COL18A1: variants seen among roughly 807,000 people sequenced by gnomAD.
The protein encoded by COL18A1 is collagen alpha-1(XVIII) chain.
A neutral mutation model predicts 168.0 loss-of-function variants in COL18A1; 133 were observed. The observed-to-expected ratio is 0.79, with a 90% CI of 0.69 to 0.91. COL18A1 has a LOEUF of 0.91. COL18A1 is among the 40% of genes least tolerant of loss of function. The pLI, the probability that COL18A1 is intolerant of heterozygous loss-of-function variation, is 0.00. For missense variants in COL18A1, 2,126 were observed against 1,925.4 expected (o/e 1.10, Z -1.95); for synonymous variants, 949 against 809.0 (o/e 1.17, Z -2.94).
intron 6 of COL18A1, 68 bp from the exon 7 acceptor site, chr21:45,477,343 G>C: frequency 1.5e-6 from 2 of 1,328,272 alleles, no homozygotes; most frequent in South Asian, 2.5e-5. Context: ...GGGCCGTCTG[G>C]GGTGCCGAGA....
At chr21:45,482,669 T>C in intron 14 of COL18A1, 126 bp from the exon 15 acceptor site, 1 of 1,422,516 alleles carries the variant, frequency 7.0e-7, no homozygotes, top group Non-Finnish European at 9.8e-7. Flanking sequence ...CAGAAACTAT[T>C]AAACCGGCAC....
rs898484201 is a variant in COL18A1, at chr21:45,498,070, C to T, written c.2683+409C>T. 43 of 607,294 alleles carry T rather than the reference C, an allele frequency of 7.1e-5. No homozygotes were observed. The African/African-American group carries it at 7.6e-4, about 11-fold the overall frequency. The allele number at this position is 607,294 out of a possible 1,614,324, so 37.6% of individuals were successfully genotyped here. A position where few individuals can be genotyped will look rare whatever the true frequency, so the allele number is the denominator to read the frequency against. On this transcript the variant is annotated intron_variant, in intron 32 of 41. Coordinates refer to ENST00000651438, the MANE Select transcript of COL18A1 (RefSeq NM_001379500.1). This position sits in a 1 kb window ranked among gnomAD's most constrained non-coding sequence, Gnocchi z 4.5. Reference sequence around the variant, plus strand: ...CATGTGGGAAGGAGGCGTTGCCCGACAGGCCGTCTGGAGGGTGAGCCCAGC... The same window carrying T: ...CATGTGGGAAGGAGGCGTTGCCCGATAGGCCGTCTGGAGGGTGAGCCCAGC...
intron 3 of COL18A1, among the ~76,000 whole-genome samples, chr21:45,470,676 G>A (rs993378993): frequency 2.0e-5 from 3 of 151,676 alleles, no homozygotes; most frequent in East Asian, 1.9e-4. Flanking sequence ...TAGTAGAGAC[G>A]GGGTTTCACC....
intron 2 of COL18A1, among the ~76,000 whole-genome samples, chr21:45,442,775 C>CGGT (rs1354618885): frequency 1.6e-5 from 1 of 62,830 alleles, no homozygotes; most frequent in Non-Finnish European, 2.9e-5. Flanking sequence ...CTGGTGTGGG[C>CGGT]GGCGGTCCTG....
rs547356385 is a variant in COL18A1, at chr21:45,479,779, C to T, written c.1249-123C>T. The T allele has an allele frequency of 7.3e-5, 104 of 1,415,406 alleles. No homozygotes were observed. The African/African-American group carries it at 1.2e-3, about 16-fold the overall frequency. The allele number at this position is 1,415,406 out of a possible 1,614,324, so 87.7% of individuals were successfully genotyped here. ...TGGCGCCCTCGTACTTTCCGGGCCC[C>T]AGAGACTCCCCTGAAGGGCTCAGCT... On this transcript the variant is annotated intron_variant, in intron 9 of 41. Coordinates refer to ENST00000651438, the MANE Select transcript of COL18A1 (RefSeq NM_001379500.1).
intron 22 of COL18A1, 65 bp from the exon 23 acceptor site, chr21:45,492,470 C>T: frequency 1.3e-6 from 2 of 1,588,286 alleles, no homozygotes; most frequent in Non-Finnish European, 1.7e-6. Flanking sequence ...CTGTAAGTCG[C>T]TCGAGTCCAG....
rs1381051960 is a variant in COL18A1, at chr21:45,443,362, C to T, written c.107-24880C>T. Among the ~76,000 whole-genome samples the T allele has an allele frequency of 6.6e-6, 1 of 152,188 alleles. No individual in the cohort carries two copies. The highest frequency in any genetic ancestry group is 1.9e-4 in the East Asian group (1 of 5,190). On this transcript the variant is annotated intron_variant, in intron 2 of 41. Transcript: ENST00000651438. The surrounding 1 kb of genome is among the most constrained non-coding windows in gnomAD (Gnocchi z 5.2). ...TCCATGAGAAAACCCAGTTAAGGAG[C>T]AACCTGGTAAACCCTTGAAAACCAA...
intron 29 of COL18A1, 42 bp from the exon 30 acceptor site, chr21:45,496,458 C>T: frequency 2.3e-6 from 2 of 873,478 alleles, no homozygotes; most frequent in East Asian, 2.4e-5. Context: ...TGCTGCCTGA[C>T]AGGCAGGCCA....
rs148582297 is a variant in COL18A1 at position 45,429,115 on chromosome 21, A to C, written c.106+23642A>C. Among the ~76,000 whole-genome samples the C allele has an allele frequency of 1.0e-3, 159 of 151,784 alleles. No homozygotes were observed. In the East Asian group the frequency reaches 0.02, roughly 19 times the overall value. ...ATGGGGTTTCATCATGTTGGCCAGGATGGTCTCGATCTTCCGACCTTGTGA... is the reference window on the plus strand; with the variant it reads ...ATGGGGTTTCATCATGTTGGCCAGGCTGGTCTCGATCTTCCGACCTTGTGA... On this transcript the variant is annotated intron_variant, in intron 2 of 41. Transcript: ENST00000651438.
Position 45,448,605 on chromosome 21 carries a change from C to T in COL18A1, c.107-19637C>T, listed in dbSNP as rs148288105. On this transcript the variant is annotated intron_variant, in intron 2 of 41. Transcript: ENST00000651438. ...TGAGCCGCAGCATCTCCACACATTGCCCTGTAGATGCACTTCTGTGTGCGT... is the reference window on the plus strand; with the variant it reads ...TGAGCCGCAGCATCTCCACACATTGTCCTGTAGATGCACTTCTGTGTGCGT... 8.5e-5 allele frequency among the ~76,000 whole-genome samples: 13 copies of T among 152,392 alleles called. No homozygotes were observed. The East Asian group carries it at 2.5e-3, about 29-fold the overall frequency.
intron 2 of COL18A1, among the ~76,000 whole-genome samples, chr21:45,438,304 TCAGACACACAGGCACTCTCCTGCACACA>T (rs2034266713): frequency 1.2e-4 from 8 of 68,752 alleles, no homozygotes; most frequent in African/African-American, 1.5e-4. Flanking sequence ...ACACACACAC[TCAGACACACAGGCACTCTCCTGCACACA>T]CACACACTCA....
At position 45,484,366 on chromosome 21, in the gene COL18A1, A is replaced by T. The variant is rs1017406085; in HGVS notation, c.1701+1545A>T. Among the ~76,000 whole-genome samples the T allele has an allele frequency of 3.0e-5, 4 of 133,938 alleles. 1 individual carries two copies. The highest frequency in any genetic ancestry group is 8.5e-5 in the African/African-American group (3 of 35,388). 87.9% of individuals were successfully genotyped at this position (133,938 alleles called of 152,430 possible). A position where few individuals can be genotyped will look rare whatever the true frequency, so the allele number is the denominator to read the frequency against. ...ATCTCCAGCATATGTGCGCACACAC[A>T]TACACGCACACACACATCTCCAGCA... On this transcript the variant is annotated intron_variant, in intron 15 of 41. Transcript: ENST00000651438.
At chr21:45,439,618 C>A (rs2034312606) in intron 2 of COL18A1, among the ~76,000 whole-genome samples, 1 of 152,238 alleles carries the variant, frequency 6.6e-6, no homozygotes, top group African/African-American at 2.4e-5. Flanking sequence ...GGGCTCCAGA[C>A]GTCCTGGGCC....
At chr21:45,474,033 G>A (rs779248412) in intron 4 of COL18A1, 52 bp downstream of exon 4, 17 of 1,416,614 alleles carry the variant, frequency 1.2e-5, no homozygotes, top group Middle Eastern at 1.7e-4. Context: ...CCTGGCACGC[G>A]GAGTTCAGGG....
At position 45,447,271 on chromosome 21, in the gene COL18A1, A is replaced by G. The variant is rs528472165; in HGVS notation, c.107-20971A>G. On this transcript the variant is annotated intron_variant, in intron 2 of 41. Coordinates refer to ENST00000651438, the MANE Select transcript of COL18A1 (RefSeq NM_001379500.1). ...TAAAAGTAAAAGTTCTAACCTCTAA[A>G]AAGTTTTTTATTGTTCCTCTAAAAT... Among the ~76,000 whole-genome samples, 9 of 151,942 alleles carry G rather than the reference A, an allele frequency of 5.9e-5. No homozygotes were observed. The East Asian group carries it at 1.7e-3, about 29-fold the overall frequency.
chr21:45,483,243 C>G (rs57262111), intron 15 of COL18A1, among the ~76,000 whole-genome samples: 3 of 152,070 alleles, frequency 2.0e-5, no homozygotes, highest in Admixed American at 6.5e-5. Flanking sequence ...AACATCCCCC[C>G]ATAGGGGAGC....
chr21:45,503,655 A>AG (rs2036992346), intron 32 of COL18A1, among the ~76,000 whole-genome samples: 1 of 81,630 alleles, frequency 1.2e-5, no homozygotes, highest in African/African-American at 4.9e-5. Flanking sequence ...GGGAGGGGGG[A>AG]GGGATAGCAT....
At position 45,504,497 on chromosome 21, in the gene COL18A1, C is replaced by CT; in HGVS notation, c.2810dup (p.Pro938AlafsTer149). 1 of 1,516,400 alleles carries CT rather than the reference C, an allele frequency of 6.6e-7. No individual in the cohort carries two copies. Among genetic ancestry groups the CT allele is most frequent in the Non-Finnish European group, 8.8e-7 (1 of 1,141,960 alleles). The allele number at this position is 1,516,400 out of a possible 1,614,324, so 93.9% of individuals were successfully genotyped here. On this transcript the variant is annotated frameshift_variant, in exon 34 of 42. Coordinates refer to ENST00000651438, the MANE Select transcript of COL18A1 (RefSeq NM_001379500.1). LOFTEE classifies it high-confidence loss of function. ...GGGCGGCGGTTTCTTCGGCTCCAGC[C>CT]TGCCCGGCCCCCCCGGCCCCCCAGG...
chr21:45,452,985 C>T (rs149413907), intron 2 of COL18A1, among the ~76,000 whole-genome samples: 1 of 151,544 alleles, frequency 6.6e-6, no homozygotes, highest in African/African-American at 2.4e-5. Context: ...TGAGTATTCA[C>T]ATGTGACATG....
Sources: gnomAD v4.1 joint callset for allele counts (sites outside exome capture counted in the v4.1 genomes callset) on GRCh38, gnomAD v4.1.1 for gene constraint, Gnocchi (gnomAD v3.1) non-coding constraint, MANE v1.5 for transcripts, NCBI Gene and HGNC (gene_info 2026-07-23, HGNC 2026-07-21) for gene names.